The following PCDH7 variants were observed in gnomAD, a reference collection of about 807,000 sequenced individuals.
PCDH7 encodes the protein protocadherin 7.
In PCDH7, 17 loss-of-function variants were observed where a neutral mutation model predicts 58.9. The ratio of observed to expected loss-of-function variants is 0.29; its 90% CI spans 0.20 to 0.43. The LOEUF (loss-of-function observed/expected upper bound fraction) is 0.43, where lower values mean the gene tolerates loss of function less well. Among genes scored for constraint, PCDH7 ranks in the 20% least tolerant of loss-of-function variants. The probability of loss-of-function intolerance (pLI) is 1.00; values close to 1 mark genes in which losing one functional copy is unlikely to be tolerated. For missense variants in PCDH7, 1,274 were observed against 1,441.0 expected (o/e 0.88, Z 1.88); for synonymous variants, 664 against 616.4 (o/e 1.08, Z -1.14).
At chr4:30,756,314 C>G (rs181102699) in intron 1 of PCDH7, among the ~76,000 whole-genome samples, 9 of 152,132 alleles carry the variant, frequency 5.9e-5, no homozygotes, top group African/African-American at 1.7e-4. Flanking sequence ...TCCCACTAGT[C>G]CTTACCTCCC....
At chr4:30,998,362 A>T (rs1752076797) in intron 3 of PCDH7, among the ~76,000 whole-genome samples, 1 of 152,160 alleles carries the variant, frequency 6.6e-6, no homozygotes, top group Non-Finnish European at 1.5e-5. Context: ...TTAAAATGGT[A>T]CAAGATAAGT....
chr4:30,734,449 G>T (rs1327676851), downstream of PCDH7, among the ~76,000 whole-genome samples: 7 of 152,030 alleles, frequency 4.6e-5, no homozygotes, highest in African/African-American at 1.7e-4. Context: ...GGTCAGGCTG[G>T]TCTTGAACTC....
At chr4:30,954,665 G>T (rs1279194852) in intron 3 of PCDH7, among the ~76,000 whole-genome samples, 3 of 152,148 alleles carry the variant, frequency 2.0e-5, no homozygotes, top group African/African-American at 4.8e-5. Flanking sequence ...AGAAAGACGA[G>T]TGAAAAGCAG....
intron 1 of PCDH7, among the ~76,000 whole-genome samples, chr4:30,811,236 G>C (rs980809340): frequency 1.3e-5 from 2 of 152,122 alleles, no homozygotes. Flanking sequence ...ATAGGAGTTG[G>C]CAAAGATAAG....
intron 1 of PCDH7, among the ~76,000 whole-genome samples, chr4:30,915,688 T>C (rs1742365268): frequency 6.6e-6 from 1 of 152,106 alleles, no homozygotes; most frequent in Admixed American, 6.5e-5. Context: ...CACGTCCAGC[T>C]AATTTTTGTA....
intron 1 of PCDH7, among the ~76,000 whole-genome samples, chr4:30,787,312 T>G (rs1341745354): frequency 6.6e-6 from 1 of 152,054 alleles, no homozygotes; most frequent in Non-Finnish European, 1.5e-5. Context: ...AAAATGGAAA[T>G]GTATACCTCA....
chr4:31,115,816 G>A (rs1414951834), intron 3 of PCDH7, among the ~76,000 whole-genome samples: 1 of 152,090 alleles, frequency 6.6e-6, no homozygotes, highest in East Asian at 1.9e-4. Flanking sequence ...TATACATTTT[G>A]CCAGCTCAGA....
chr4:30,809,987 A>T (rs1027514228), intron 1 of PCDH7, among the ~76,000 whole-genome samples: 2 of 151,934 alleles, frequency 1.3e-5, no homozygotes, highest in Non-Finnish European at 2.9e-5. Context: ...TGTGCAGCTA[A>T]CTCAGTGTGG....
intron 1 of PCDH7, among the ~76,000 whole-genome samples, chr4:30,758,427 A>G (rs1719592696): frequency 6.6e-6 from 1 of 152,204 alleles, no homozygotes; most frequent in Admixed American, 6.5e-5. Flanking sequence ...GACAAATGGA[A>G]TACTTCATAG....
chr4:31,031,304 G>A (rs1028223371), intron 3 of PCDH7, among the ~76,000 whole-genome samples: 7 of 152,186 alleles, frequency 4.6e-5, no homozygotes, highest in African/African-American at 1.7e-4. Context: ...TTAGTAAGTA[G>A]AAGTCAAGAA....
intron 3 of PCDH7, among the ~76,000 whole-genome samples, chr4:31,107,981 A>G (rs1337228276): frequency 6.6e-6 from 1 of 152,194 alleles, no homozygotes; most frequent in Non-Finnish European, 1.5e-5. Context: ...ATAGTAACAA[A>G]ATGAACCAAC....
At chr4:30,968,300 C>CTA (rs1749175844) in intron 3 of PCDH7, among the ~76,000 whole-genome samples, 1 of 90,138 alleles carries the variant, frequency 1.1e-5, no homozygotes, top group African/African-American at 5.6e-5. Flanking sequence ...CTCTCTCTCT[C>CTA]TCTATATATA....
Position 30,730,910 on chromosome 4 carries a change from G to T in PCDH7, c.*122G>T, listed in dbSNP as rs752181120. The T allele has an allele frequency of 5.9e-6, 8 of 1,361,098 alleles. No individual in the cohort carries two copies. The East Asian group carries it at 1.6e-4, about 27-fold the overall frequency. 84.3% of individuals were successfully genotyped at this position (1,361,098 alleles called of 1,614,324 possible). A position where few individuals can be genotyped will look rare whatever the true frequency, so the allele number is the denominator to read the frequency against. On this transcript the variant is annotated 3_prime_UTR_variant, in exon 2 of 2. Coordinates refer to ENST00000361762, the Ensembl canonical transcript of PCDH7. The stretch of plus-strand genomic sequence containing the variant: ...CCAATCACTGCTTGTTCCACTTGTT[G>T]TACATTTTATTTTTGAGTCTTTTTC...
chr4:31,074,292 T>G (rs1170705684), intron 3 of PCDH7, among the ~76,000 whole-genome samples: 2 of 151,600 alleles, frequency 1.3e-5, no homozygotes, highest in Non-Finnish European at 2.9e-5. Flanking sequence ...TTTGTTCATT[T>G]AGCACATTAC....
chr4:31,110,174 A>G (rs1169315953), intron 3 of PCDH7, among the ~76,000 whole-genome samples: 1 of 152,210 alleles, frequency 6.6e-6, no homozygotes, highest in Non-Finnish European at 1.5e-5. Context: ...CGCTGAGGAA[A>G]TTGAAGAGTA....
rs1483129023 is a variant in PCDH7 at position 30,754,186 on chromosome 4, G to GTTTT, written c.70+29591_70+29592insTTTT. ...GGTGTGTGTGTGTGTGTGTGTGTGT[G>GTTTT]TGTTTTTTCTGGAGGGAGGAGGAAG... On this transcript the variant is annotated intron_variant, in intron 1 of 3. Coordinates refer to the PCDH7 transcript ENST00000509759. Among the ~76,000 whole-genome samples the GTTTT allele has an allele frequency of 1.4e-3, 194 of 140,726 alleles. 1 individual carries two copies. Among genetic ancestry groups the GTTTT allele is most frequent in the African/African-American group, 5.6e-3 (185 of 32,746 alleles). The allele number at this position is 140,726 out of a possible 152,430, so 92.3% of individuals were successfully genotyped here. A position where few individuals can be genotyped will look rare whatever the true frequency, so the allele number is the denominator to read the frequency against.
At position 30,723,429 on chromosome 4, in the gene PCDH7, G is replaced by T. The variant is rs772143828; in HGVS notation, c.2007G>T (p.Gly669=). The T allele has an allele frequency of 4.3e-6, 7 of 1,614,238 alleles. No individual in the cohort carries two copies. Among genetic ancestry groups the T allele is most frequent in the Non-Finnish European group, 5.9e-6 (7 of 1,180,042 alleles). ...TCACCGTGATGGATGCTGACAAGGGGCGGAATGCAGAGATGAGCCTGTACA... is the reference window on the plus strand; with the variant it reads ...TCACCGTGATGGATGCTGACAAGGGTCGGAATGCAGAGATGAGCCTGTACA... Residue 669 remains glycine (G), a synonymous_variant, in exon 1 of 2, where the codon GGG becomes GGT. Coordinates refer to ENST00000361762, the Ensembl canonical transcript of PCDH7. This position sits in a 1 kb window ranked among gnomAD's most constrained non-coding sequence, Gnocchi z 4.6.
At chr4:31,002,075 G>T (rs1010092167) in intron 3 of PCDH7, among the ~76,000 whole-genome samples, 1 of 152,070 alleles carries the variant, frequency 6.6e-6, no homozygotes, top group Non-Finnish European at 1.5e-5. Flanking sequence ...AACAACCATA[G>T]ATAACAATTG....
intron 1 of PCDH7, among the ~76,000 whole-genome samples, chr4:30,903,133 T>C (rs1740447964): frequency 6.6e-6 from 1 of 152,166 alleles, no homozygotes; most frequent in Admixed American, 6.5e-5. Flanking sequence ...CTCATTTTCC[T>C]AAAGAATCAT....
Sources: allele counts gnomAD v4.1 joint callset (sites outside exome capture counted in the v4.1 genomes callset), GRCh38; gene constraint gnomAD v4.1.1; non-coding constraint Gnocchi (gnomAD v3.1); transcripts MANE v1.5; gene names NCBI Gene and HGNC (gene_info 2026-07-23, HGNC 2026-07-21).